The following SLC22A4 variants were observed in gnomAD, a reference collection of about 807,000 sequenced individuals.
SLC22A4 encodes the protein ET transporter.
In SLC22A4, 39 loss-of-function variants were observed where a neutral mutation model predicts 56.6. The observed-to-expected ratio is 0.69, with a 90% CI of 0.53 to 0.90. SLC22A4 has a LOEUF of 0.90. Ranked by LOEUF, SLC22A4 falls within the 40% of genes least tolerant of loss-of-function variation. The pLI is 0.00. For missense variants in SLC22A4, 594 were observed against 696.5 expected, an observed-to-expected ratio of 0.85 and a Z score of 1.66; for synonymous variants, 241 against 281.4, an observed-to-expected ratio of 0.86 and a Z score of 1.44.
At chr5:132,297,948 T>TA (rs907932856) in intron 1 of SLC22A4, among the ~76,000 whole-genome samples, 1 of 152,088 alleles carries the variant, frequency 6.6e-6, no homozygotes, top group Non-Finnish European at 1.5e-5. Context: ...ACCCCACCTC[T>TA]AAAAAAGTGT....
intron 9 of SLC22A4, among the ~76,000 whole-genome samples, chr5:132,342,837 G>A (rs1751264433): frequency 6.6e-6 from 1 of 152,244 alleles, no homozygotes; most frequent in African/African-American, 2.4e-5. Flanking sequence ...TGCCCTCCTG[G>A]CATGTGGATG....
At chr5:132,308,420 TAGG>T in intron 1 of SLC22A4, among the ~76,000 whole-genome samples, 1 of 119,508 alleles carries the variant, frequency 8.4e-6, no homozygotes, top group Non-Finnish European at 1.6e-5. Context: ...ACCAATTCAC[TAGG>T]AGAACTTGGG....
intron 1 of SLC22A4, among the ~76,000 whole-genome samples, chr5:132,308,657 T>C (rs1219173785): frequency 6.6e-6 from 1 of 152,048 alleles, no homozygotes; most frequent in Non-Finnish European, 1.5e-5. Flanking sequence ...CCTATTACCT[T>C]GTCACCTGGA....
intron 3 of SLC22A4, among the ~76,000 whole-genome samples, chr5:132,315,472 C>T (rs1750319389): frequency 6.6e-6 from 1 of 152,150 alleles, no homozygotes; most frequent in African/African-American, 2.4e-5. Context: ...GATTCTGGAG[C>T]CTCCAAGCCT....
intron 8 of SLC22A4, among the ~76,000 whole-genome samples, chr5:132,336,642 G>C (rs953200444): frequency 6.6e-6 from 1 of 152,074 alleles, no homozygotes; most frequent in African/African-American, 2.4e-5. Context: ...GTTACATATT[G>C]CTCCTTTACC....
At chr5:132,343,684 T>C in intron 9 of SLC22A4, 76 bp from the exon 10 acceptor site, 3 of 874,724 alleles carry the variant, frequency 3.4e-6, no homozygotes, top group South Asian at 1.4e-5. Context: ...TATTTTTCAA[T>C]GTCAATTTGG....
intron 1 of SLC22A4, among the ~76,000 whole-genome samples, chr5:132,296,703 A>T (rs1264059384): frequency 6.6e-6 from 1 of 152,190 alleles, no homozygotes; most frequent in African/African-American, 2.4e-5. Context: ...AGCAGCTGAG[A>T]CTGGGGGCCA....
intron 1 of SLC22A4, among the ~76,000 whole-genome samples, chr5:132,303,202 C>T (rs1749945413): frequency 6.6e-6 from 1 of 152,228 alleles, no homozygotes; most frequent in Non-Finnish European, 1.5e-5. Context: ...TCAATTAGCA[C>T]ATGAAAAGAT....
intron 1 of SLC22A4, among the ~76,000 whole-genome samples, chr5:132,301,611 T>A (rs1192906358): frequency 6.6e-6 from 1 of 152,202 alleles, no homozygotes; most frequent in South Asian, 2.1e-4. Flanking sequence ...AGCCAGGTTA[T>A]GTGGCGAAGG....
At chr5:132,322,393 G>C (rs761290263) in intron 4 of SLC22A4, 38 bp downstream of exon 4, 1 of 1,595,710 alleles carries the variant, frequency 6.3e-7, no homozygotes, top group South Asian at 1.1e-5. Flanking sequence ...CCTCTGCTGC[G>C]GGTCAGCACA....
At chr5:132,340,224 T>G (rs948740863) in intron 8 of SLC22A4, among the ~76,000 whole-genome samples, 5 of 151,950 alleles carry the variant, frequency 3.3e-5, no homozygotes, top group Non-Finnish European at 7.4e-5. Context: ...CTTGATGTCC[T>G]CCCATCCCCC....
At chr5:132,295,359 C>G (rs1439838444) in intron 1 of SLC22A4, 1 of 523,400 alleles carries the variant, frequency 1.9e-6, no homozygotes, top group African/African-American at 1.9e-5. Flanking sequence ...CACCTTCCTG[C>G]CAGGCATGGG....
chr5:132,294,439 C>T lies in SLC22A4; in HGVS notation c.-178C>T. On this transcript the variant is annotated 5_prime_UTR_variant, in exon 1 of 10. Transcript: ENST00000200652. This position sits in a 1 kb window ranked among gnomAD's most constrained non-coding sequence, Gnocchi z 5.6. ...CTCAGCGCGAGCTCCCGGGAACGCT[C>T]CAACGCCTTCAGCCTGTTTCCCAGG... 1 of 798,908 alleles carries T rather than the reference C, an allele frequency of 1.3e-6. No homozygotes were observed. The highest frequency in any genetic ancestry group is 2.2e-5 in the Admixed American group (1 of 44,572). 49.5% of individuals were successfully genotyped at this position (798,908 alleles called of 1,614,324 possible). A position where few individuals can be genotyped will look rare whatever the true frequency, so the allele number is the denominator to read the frequency against.
At chr5:132,318,402 C>T (rs1380332399) in intron 3 of SLC22A4, among the ~76,000 whole-genome samples, 1 of 152,196 alleles carries the variant, frequency 6.6e-6, no homozygotes, top group Non-Finnish European at 1.5e-5. Flanking sequence ...AGTAGCAACT[C>T]AGCATCAAGG....
At chr5:132,325,710 A>T (rs1284009960) in intron 4 of SLC22A4, among the ~76,000 whole-genome samples, 1 of 152,228 alleles carries the variant, frequency 6.6e-6, no homozygotes, top group Admixed American at 6.5e-5. Context: ...TTACATCCCA[A>T]TAAGCCCATT....
intron 2 of SLC22A4, among the ~76,000 whole-genome samples, chr5:132,312,786 C>T (rs1365765636): frequency 6.6e-6 from 1 of 152,212 alleles, no homozygotes; most frequent in East Asian, 1.9e-4. Flanking sequence ...GGCAGCATCA[C>T]AGCACCAGGA....
rs536687222 is a variant in SLC22A4, at chr5:132,294,404, T to A, written c.-213T>A. ...TGGGGGTGTGGTCCCAAGTGTACAG[T>A]GGCATCAAGCTCAGCGCGAGCTCCC... On this transcript the variant is annotated 5_prime_UTR_variant, in exon 1 of 10. Coordinates refer to ENST00000200652, the MANE Select transcript of SLC22A4 (RefSeq NM_003059.3). The surrounding 1 kb of genome is among the most constrained non-coding windows in gnomAD (Gnocchi z 5.6). 143 of 642,260 alleles carry A rather than the reference T, an allele frequency of 2.2e-4. 3 individuals are homozygous for A. Among genetic ancestry groups the A allele is most frequent in the South Asian group, 2.0e-3 (110 of 53,854 alleles). 39.8% of individuals were successfully genotyped at this position (642,260 alleles called of 1,614,324 possible).
At chr5:132,300,066 A>T (rs1036780981) in intron 1 of SLC22A4, among the ~76,000 whole-genome samples, 2 of 152,158 alleles carry the variant, frequency 1.3e-5, no homozygotes, top group African/African-American at 4.8e-5. Context: ...GTCTTTCCTT[A>T]TCTTTCATGA....
intron 3 of SLC22A4, among the ~76,000 whole-genome samples, chr5:132,315,793 C>A (rs530422197): frequency 1.3e-5 from 2 of 152,216 alleles, no homozygotes; most frequent in Non-Finnish European, 2.9e-5. Flanking sequence ...CTGGGAGCCT[C>A]TTCATGGTAG....
Sources: allele counts gnomAD v4.1 joint callset (sites outside exome capture counted in the v4.1 genomes callset), GRCh38; gene constraint gnomAD v4.1.1; non-coding constraint Gnocchi (gnomAD v3.1); transcripts MANE v1.5; gene names NCBI Gene and HGNC (gene_info 2026-07-23, HGNC 2026-07-21).